CTIF: variants seen among roughly 807,000 people sequenced by gnomAD.
CTIF encodes the protein cap binding complex dependent translation initiation factor.
In CTIF, 21 loss-of-function variants were observed where a neutral mutation model predicts 66.0. That is an observed-to-expected ratio of 0.32 (90% confidence interval 0.23 to 0.46). The LOEUF is 0.46. Ranked by LOEUF, CTIF falls within the 20% of genes least tolerant of loss-of-function variation. The pLI, the probability that CTIF is intolerant of heterozygous loss-of-function variation, is 1.00. For synonymous variants in CTIF, 345 were observed against 326.4 expected (o/e 1.06, Z -0.62); for missense variants, 739 against 812.7 (o/e 0.91, Z 1.10).
chr18:48,728,294 C>T (rs1381239586), intron 7 of CTIF, among the ~76,000 whole-genome samples: 1 of 152,190 alleles, frequency 6.6e-6, no homozygotes, highest in Non-Finnish European at 1.5e-5. Context: ...CAGAATGCTT[C>T]TGGCTCCGGC....
At chr18:48,573,554 A>C (rs367891488) in intron 1 of CTIF, among the ~76,000 whole-genome samples, 2 of 152,378 alleles carry the variant, frequency 1.3e-5, no homozygotes, top group South Asian at 2.1e-4. Flanking sequence ...AAAAGTAAGC[A>C]TTCTAATATT....
chr18:48,575,335 A>T (rs765659929), intron 1 of CTIF, among the ~76,000 whole-genome samples: 18 of 152,062 alleles, frequency 1.2e-4, no homozygotes, highest in Non-Finnish European at 2.6e-4. Context: ...CAGAACCAGA[A>T]CTCCATCTTC....
chr18:48,724,994 T>C (rs927299245), intron 7 of CTIF, among the ~76,000 whole-genome samples: 1 of 152,248 alleles, frequency 6.6e-6, no homozygotes, highest in Admixed American at 6.5e-5. Context: ...AGGACTGACA[T>C]TGAACTCAAG....
At chr18:48,849,664 C>A (rs1216028160) in intron 10 of CTIF, among the ~76,000 whole-genome samples, 2 of 147,352 alleles carry the variant, frequency 1.4e-5, no homozygotes, top group Non-Finnish European at 3.0e-5. Flanking sequence ...CAGCTCACTG[C>A]AACCTCTGCC....
At chr18:48,682,611 A>G (rs984119870) in intron 6 of CTIF, among the ~76,000 whole-genome samples, 2 of 152,150 alleles carry the variant, frequency 1.3e-5, no homozygotes, top group South Asian at 2.1e-4. Context: ...ATCCCCTTCT[A>G]TCTGCTGCTG....
chr18:48,611,507 G>A (rs1049755633), intron 1 of CTIF, among the ~76,000 whole-genome samples: 4 of 152,252 alleles, frequency 2.6e-5, no homozygotes, highest in African/African-American at 7.2e-5. Flanking sequence ...CAGAGCAAGA[G>A]TATCTGAATA....
At position 48,825,146 on chromosome 18, in the gene CTIF, G is replaced by A. The variant is rs190624023; in HGVS notation, c.1527+7770G>A. On this transcript the variant is annotated intron_variant, in intron 10 of 11. Transcript: ENST00000256413. ...GTGGAGTAAAGGAGGAAGGCAGGGC[G>A]CTTTCTGCCAGGAATCTCCCATCTC... 3.4e-4 allele frequency among the ~76,000 whole-genome samples: 51 copies of A among 152,236 alleles called. No individual in the cohort carries two copies. The East Asian group carries it at 9.3e-3, about 28-fold the overall frequency.
At chr18:48,779,035 C>T (rs1253008445) in intron 9 of CTIF, among the ~76,000 whole-genome samples, 1 of 152,180 alleles carries the variant, frequency 6.6e-6, no homozygotes, top group African/African-American at 2.4e-5. Flanking sequence ...TTTTCCCTCT[C>T]GGGGCCCCAG....
chr18:48,674,962 C>T (rs1469288209), intron 6 of CTIF, among the ~76,000 whole-genome samples: 2 of 151,642 alleles, frequency 1.3e-5, no homozygotes, highest in East Asian at 3.9e-4. Flanking sequence ...GCATCCACAC[C>T]GAGGCATGAC....
intron 7 of CTIF, among the ~76,000 whole-genome samples, chr18:48,750,378 A>T (rs1907682807): frequency 1.3e-5 from 2 of 152,352 alleles, no homozygotes; most frequent in South Asian, 2.1e-4. Context: ...TGAAGCTCAG[A>T]ACCCCATAGA....
intron 9 of CTIF, among the ~76,000 whole-genome samples, chr18:48,763,001 C>T (rs990762608): frequency 6.6e-6 from 1 of 152,230 alleles, no homozygotes; most frequent in Non-Finnish European, 1.5e-5. Flanking sequence ...TCCTGGATCG[C>T]CCGCACTCCC....
chr18:48,754,905 C>T (rs995464165), intron 7 of CTIF, among the ~76,000 whole-genome samples: 2 of 152,184 alleles, frequency 1.3e-5, no homozygotes, highest in Non-Finnish European at 2.9e-5. Flanking sequence ...CAGCTGATTT[C>T]TTTCTGGAGC....
intron 7 of CTIF, among the ~76,000 whole-genome samples, chr18:48,754,826 AC>A (rs1425774334): frequency 6.6e-6 from 1 of 152,208 alleles, no homozygotes; most frequent in Non-Finnish European, 1.5e-5. Context: ...GCTCTTTCGA[AC>A]CAGAAAGACA....
In CTIF at chr18:48,645,853, A is replaced by C. The variant is rs567306154; in HGVS notation, c.252+9168A>C. 4.6e-5 allele frequency among the ~76,000 whole-genome samples: 7 copies of C among 152,298 alleles called. No homozygotes were observed. The East Asian group carries it at 1.4e-3, about 29-fold the overall frequency. ...GGCGTCGGAGGAGGTTGAGTGGGCA[A>C]CCTGGACTTCCACTTCCACCTGGCA... On this transcript the variant is annotated intron_variant, in intron 3 of 11. Coordinates refer to ENST00000256413, the MANE Select transcript of CTIF (RefSeq NM_014772.3).
In CTIF at chr18:48,772,228, C is replaced by T. The variant is rs143913511; in HGVS notation, c.1371+10539C>T. Among the ~76,000 whole-genome samples, 320 of 152,296 alleles carry T rather than the reference C, an allele frequency of 2.1e-3. 1 individual carries two copies. The highest frequency in any genetic ancestry group is 3.2e-3 in the Non-Finnish European group (216 of 68,034). ...ATAGCAAGAAGAGAGCTAAACCTAG[C>T]GGGAGGGAGTGGCCACAGAGGAGGA... On this transcript the variant is annotated intron_variant, in intron 9 of 11. Coordinates refer to ENST00000256413, the MANE Select transcript of CTIF (RefSeq NM_014772.3).
intron 9 of CTIF, among the ~76,000 whole-genome samples, chr18:48,810,709 C>T (rs1167259038): frequency 3.3e-5 from 5 of 150,214 alleles, no homozygotes; most frequent in African/African-American, 1.2e-4. Flanking sequence ...TGGTTTTTTT[C>T]CTATGTTTCT....
At chr18:48,739,936 G>A (rs1406063088) in intron 7 of CTIF, among the ~76,000 whole-genome samples, 1 of 152,192 alleles carries the variant, frequency 6.6e-6, no homozygotes, top group Non-Finnish European at 1.5e-5. Flanking sequence ...GTGCTGTGGG[G>A]TCTACCAGGC....
intron 1 of CTIF, among the ~76,000 whole-genome samples, chr18:48,555,321 G>C (rs1034003092): frequency 3.3e-5 from 5 of 152,202 alleles, no homozygotes; most frequent in African/African-American, 1.2e-4. Flanking sequence ...TGTTTCCCCA[G>C]CCTGGACTGT....
chr18:48,843,571 G>A (rs888504763), intron 10 of CTIF, among the ~76,000 whole-genome samples: 4 of 152,120 alleles, frequency 2.6e-5, no homozygotes, highest in African/African-American at 7.2e-5. Flanking sequence ...CCTGAGGCAC[G>A]GGGAAGGGAA....
Sources: allele counts gnomAD v4.1 joint callset (sites outside exome capture counted in the v4.1 genomes callset), GRCh38; gene constraint gnomAD v4.1.1; transcripts MANE v1.5; gene names NCBI Gene and HGNC (gene_info 2026-07-23, HGNC 2026-07-21).